TCF24: variants seen among roughly 807,000 people sequenced by gnomAD.
TCF24 encodes transcription factor 24.
A neutral mutation model predicts 9.3 loss-of-function variants in TCF24; 5 were observed. That is an observed-to-expected ratio of 0.54 (90% CI 0.28 to 1.13). The LOEUF is 1.13. TCF24 is among the 50% of genes most tolerant of loss of function. The pLI, the probability that TCF24 is intolerant of heterozygous loss-of-function variation, is 0.09. For missense variants in TCF24, 220 were observed against 236.1 expected (o/e 0.93, Z 0.45); for synonymous variants, 110 against 115.8 (o/e 0.95, Z 0.32).
chr8:66,956,104 CTTGTTTGTTTGT>C (rs373546164), intron 3 of TCF24, among the ~76,000 whole-genome samples: 1 of 151,540 alleles, frequency 6.6e-6, no homozygotes, highest in Non-Finnish European at 1.5e-5. Flanking sequence ...TAATTAAAAA[CTTGTTTGTTTGT>C]TTGTTTGTTT....
chr8:66,960,414 G>C (rs568291868), intron 3 of TCF24, among the ~76,000 whole-genome samples: 1 of 152,070 alleles, frequency 6.6e-6, no homozygotes, highest in South Asian at 2.1e-4. Flanking sequence ...TCTTAACTTT[G>C]CATTTGTGTG....
Position 66,953,283 on chromosome 8 carries a change from C to T in TCF24, c.391-5119G>A, listed in dbSNP as rs978618819. Among the ~76,000 whole-genome samples, 25 of 151,474 alleles carry T rather than the reference C, an allele frequency of 1.7e-4. No individual in the cohort carries two copies. In the South Asian group the frequency reaches 1.7e-3, roughly 10 times the overall value. On this transcript the variant is annotated intron_variant, in intron 3 of 3. Transcript: ENST00000563496. Reference sequence around the variant, plus strand: ...GCTTCCTTCAGGAGCTCTTTTAGGGCGGGCCTGGTGGTGACAAAATCTCTC... The same window carrying T: ...GCTTCCTTCAGGAGCTCTTTTAGGGTGGGCCTGGTGGTGACAAAATCTCTC...
chr8:66,948,705 A>ATCTATCTG (rs746421033), intron 3 of TCF24, among the ~76,000 whole-genome samples: 2 of 138,204 alleles, frequency 1.4e-5, no homozygotes, highest in African/African-American at 5.4e-5. Context: ...CTATCTATCT[A>ATCTATCTG]TTTTTTTTGA....
Position 66,947,987 on chromosome 8 carries a change from G to A in TCF24, c.*64C>T. On this transcript the variant is annotated 3_prime_UTR_variant, in exon 4 of 4. Coordinates refer to ENST00000563496, the MANE Select transcript of TCF24 (RefSeq NM_001193502.2). The stretch of plus-strand genomic sequence containing the variant: ...TGTTATGTCTCATATAATAAATATA[G>A]AATTATGTCATAGTATTTAAAAACA... 1.7e-6 allele frequency: 2 copies of A among 1,172,246 alleles called. No individual in the cohort carries two copies. Among genetic ancestry groups the A allele is most frequent in the South Asian group, 1.6e-5 (1 of 61,632 alleles). 72.6% of individuals were successfully genotyped at this position (1,172,246 alleles called of 1,614,324 possible). A position where few individuals can be genotyped will look rare whatever the true frequency, so the allele number is the denominator to read the frequency against.
intron 3 of TCF24, among the ~76,000 whole-genome samples, chr8:66,956,778 G>A (rs768356907): frequency 1.3e-5 from 2 of 152,156 alleles, no homozygotes; most frequent in Admixed American, 6.5e-5. Context: ...TAGTGTTACA[G>A]ACTGAATGTT....
chr8:66,946,541 T>A lies in TCF24; in HGVS notation c.*1510A>T, dbSNP rs1050633530. On this transcript the variant is annotated 3_prime_UTR_variant, in exon 4 of 4. Transcript: ENST00000563496. ...TACTTTATTTTTATAATACCTCTTA[T>A]CATGACCATTCACCATTAAAGCATT... 3 of 152,180 alleles carry A rather than the reference T, an allele frequency of 2.0e-5. No individual in the cohort carries two copies. The highest frequency in any genetic ancestry group is 7.2e-5 in the African/African-American group (3 of 41,456). The allele number at this position is 152,180 out of a possible 1,614,324, so 9.4% of individuals were successfully genotyped here.
chr8:66,956,050 A>C (rs921480323), intron 3 of TCF24, among the ~76,000 whole-genome samples: 15 of 152,058 alleles, frequency 9.9e-5, no homozygotes, highest in Non-Finnish European at 1.9e-4. Context: ...TTCCTGCCTC[A>C]GCTTCCTGAG....
intron 3 of TCF24, among the ~76,000 whole-genome samples, chr8:66,953,629 C>G (rs1261172651): frequency 2.8e-4 from 43 of 151,870 alleles, no homozygotes; most frequent in African/African-American, 8.2e-4. Flanking sequence ...TTTCCTGAAT[C>G]TGAATGTTGG....
In TCF24 at chr8:66,961,629, C is replaced by A; in HGVS notation, c.137G>T (p.Gly46Val). The change falls in exon 3 of 4, where the codon GGG becomes GTG. Residue 46 changes from glycine to valine, a missense_variant. By Grantham distance (109) the Gly-to-Val change is moderately radical (BLOSUM62 -3). Transcript: ENST00000563496. The part of the protein sequence containing the change: ...PAGPGGGSRS[G>V]SGRPAAANAA... Reference sequence around the variant, plus strand: ...ATTCGCCGCCGCCGGCCGCCCGCTCCCGGAACGCGAGCCGCCCCCAGGGCC... The same window carrying A: ...ATTCGCCGCCGCCGGCCGCCCGCTCACGGAACGCGAGCCGCCCCCAGGGCC... 7.9e-7 allele frequency: 1 copy of A among 1,268,460 alleles called. No individual in the cohort carries two copies. Among genetic ancestry groups the A allele is most frequent in the Non-Finnish European group, 9.9e-7 (1 of 1,009,534 alleles). 78.6% of individuals were successfully genotyped at this position (1,268,460 alleles called of 1,614,324 possible).
rs562122448 is a variant in TCF24 at position 66,949,293 on chromosome 8, C to A, written c.391-1129G>T. Among the ~76,000 whole-genome samples the A allele has an allele frequency of 1.6e-3, 247 of 151,936 alleles. 1 individual carries two copies. Among genetic ancestry groups the A allele is most frequent in the African/African-American group, 5.3e-3 (218 of 41,432 alleles). ...CCACAGTCCCCAGAGTGTGATATTC[C>A]CCTTCCTGGGTCCATGTGATCTCAT... is the stretch of plus-strand genomic sequence containing the variant. On this transcript the variant is annotated intron_variant, in intron 3 of 3. Coordinates refer to ENST00000563496, the MANE Select transcript of TCF24 (RefSeq NM_001193502.2).
chr8:66,948,473 G>A (rs1483383847), intron 3 of TCF24, among the ~76,000 whole-genome samples: 1 of 152,156 alleles, frequency 6.6e-6, no homozygotes, highest in East Asian at 1.9e-4. Context: ...TGCCCGTAAT[G>A]TTTTAATTTT....
intron 3 of TCF24, among the ~76,000 whole-genome samples, chr8:66,960,019 G>C (rs1217082956): frequency 6.6e-6 from 1 of 152,114 alleles, no homozygotes; most frequent in African/African-American, 2.4e-5. Context: ...GTATTTAACA[G>C]ATGCTCTTTG....
chr8:66,952,723 G>A (rs1814078795), intron 3 of TCF24, among the ~76,000 whole-genome samples: 1 of 150,586 alleles, frequency 6.6e-6, no homozygotes, highest in African/African-American at 2.4e-5. Context: ...TTAATGTGTG[G>A]GAGTCTAAGT....
At chr8:66,953,257 C>A (rs370609984) in intron 3 of TCF24, among the ~76,000 whole-genome samples, 1 of 151,728 alleles carries the variant, frequency 6.6e-6, no homozygotes, top group African/African-American at 2.4e-5. Flanking sequence ...CCATGTTTAG[C>A]GCTTCCTTCA....
At position 66,961,599 on chromosome 8, in the gene TCF24, G is replaced by A. The variant is rs754035139; in HGVS notation, c.167C>T (p.Ala56Val). 15 of 1,310,774 alleles carry A rather than the reference G, an allele frequency of 1.1e-5. No homozygotes were observed. The South Asian group carries it at 3.1e-4, about 27-fold the overall frequency. The allele number at this position is 1,310,774 out of a possible 1,614,324, so 81.2% of individuals were successfully genotyped here. The part of the protein sequence containing the change: ...GSGRPAAANA[A>V]RERSRVQTLR... ...GGTCTGCACCCGGCTGCGCTCCCGC[G>A]CCGCATTCGCCGCCGCCGGCCGCCC... Residue 56 changes from alanine to valine, a missense_variant, in exon 3 of 4, where the codon GCG (alanine) becomes GTG (valine). Physicochemically the swap from Ala to Val is moderately conservative, Grantham distance 64 (BLOSUM62 0). Coordinates refer to ENST00000563496, the MANE Select transcript of TCF24 (RefSeq NM_001193502.2).
chr8:66,950,247 G>C (rs1174169623), intron 3 of TCF24, among the ~76,000 whole-genome samples: 2 of 150,772 alleles, frequency 1.3e-5, no homozygotes. Context: ...TAGGTCTAAC[G>C]TTTAAGTCTT....
intron 3 of TCF24, among the ~76,000 whole-genome samples, chr8:66,953,568 T>C (rs1480937696): frequency 3.3e-3 from 438 of 134,560 alleles, no homozygotes; most frequent in African/African-American, 8.2e-3. Context: ...CTGACAATTA[T>C]GTGTCTTGGA....
intron 3 of TCF24, among the ~76,000 whole-genome samples, chr8:66,958,177 A>T (rs117271602): frequency 0.021 from 3,141 of 152,308 alleles, 52 homozygotes; most frequent in Middle Eastern, 0.041. Flanking sequence ...TAAAATGTAC[A>T]TAGAATATTG....
chr8:66,957,297 A>G (rs963594498), intron 3 of TCF24, among the ~76,000 whole-genome samples: 8 of 150,980 alleles, frequency 5.3e-5, no homozygotes, highest in Non-Finnish European at 7.4e-5. Flanking sequence ...GGCATCCATA[A>G]TCCCAGCTAC....
Sources: allele counts gnomAD v4.1 joint callset (sites outside exome capture counted in the v4.1 genomes callset), GRCh38; gene constraint gnomAD v4.1.1; transcripts MANE v1.5; gene names NCBI Gene and HGNC (gene_info 2026-07-23, HGNC 2026-07-21).